The following ATF6 variants were observed in gnomAD, a reference collection of about 807,000 sequenced individuals.
The protein encoded by ATF6 is activating transcription factor 6.
ATF6 carries 53 observed loss-of-function variants against 83.6 expected under a neutral mutation model. That is an observed-to-expected ratio of 0.63 (90% CI 0.51 to 0.80). The LOEUF is 0.80. ATF6 is among the 30% of genes least tolerant of loss of function. The probability of loss-of-function intolerance (pLI) is 0.00; values close to 1 mark genes in which losing one functional copy is unlikely to be tolerated. For synonymous variants in ATF6, 288 were observed against 285.8 expected (o/e 1.01, Z -0.08); for missense variants, 744 against 797.9 (o/e 0.93, Z 0.81).
rs1161212991 is a variant in ATF6, at chr1:161,962,520, G to A, written c.*3866G>A. ...TTAGGTTGTGAAACTTGACAGAAATGTATTACAGGAAAAACTTATAATTGT... is the reference window on the plus strand; with the variant it reads ...TTAGGTTGTGAAACTTGACAGAAATATATTACAGGAAAAACTTATAATTGT... On this transcript the variant is annotated 3_prime_UTR_variant, in exon 16 of 16. Coordinates refer to ENST00000367942, the MANE Select transcript of ATF6 (RefSeq NM_007348.4). 1.3e-5 allele frequency: 2 copies of A among 152,202 alleles called. No individual in the cohort carries two copies. The highest frequency in any genetic ancestry group is 2.9e-5 in the Non-Finnish European group (2 of 68,030). The allele number at this position is 152,202 out of a possible 1,614,324, so 9.4% of individuals were successfully genotyped here.
At chr1:161,860,650 G>T (rs1686863709) in intron 13 of ATF6, among the ~76,000 whole-genome samples, 1 of 151,900 alleles carries the variant, frequency 6.6e-6, no homozygotes. Flanking sequence ...CAGGTGTCCT[G>T]CTGAGTGTTT....
intron 9 of ATF6, among the ~76,000 whole-genome samples, chr1:161,832,151 A>G (rs944568539): frequency 6.6e-6 from 1 of 152,170 alleles, no homozygotes; most frequent in African/African-American, 2.4e-5. Context: ...ATATATTAAA[A>G]GACAGAATTA....
At chr1:161,800,915 A>G (rs1386417057) in intron 6 of ATF6, among the ~76,000 whole-genome samples, 8 of 152,288 alleles carry the variant, frequency 5.3e-5, no homozygotes, top group Middle Eastern at 3.4e-3. Flanking sequence ...TTATGACTGT[A>G]TGCTGCTTTA....
intron 10 of ATF6, among the ~76,000 whole-genome samples, chr1:161,851,213 TTG>T (rs1233987925): frequency 7.9e-6 from 1 of 125,812 alleles, no homozygotes; most frequent in African/African-American, 3.2e-5. Context: ...TATCATAGAA[TTG>T]TGTCTCACCC....
In ATF6 at chr1:161,959,628, C is replaced by T. The variant is rs1005001785; in HGVS notation, c.*974C>T. On this transcript the variant is annotated 3_prime_UTR_variant, in exon 16 of 16. Coordinates refer to ENST00000367942, the MANE Select transcript of ATF6 (RefSeq NM_007348.4). ...GAGCTTGCAGTGAGCCGAGATCCCG[C>T]CACTGCACTCCAGCCTGGGCGACAG... 6.8e-6 allele frequency: 1 copy of T among 147,348 alleles called. No individual in the cohort carries two copies. Among genetic ancestry groups the T allele is most frequent in the African/African-American group, 2.5e-5 (1 of 39,546 alleles). The allele number at this position is 147,348 out of a possible 1,614,324, so 9.1% of individuals were successfully genotyped here. A position where few individuals can be genotyped will look rare whatever the true frequency, so the allele number is the denominator to read the frequency against.
At chr1:161,793,754 A>G (rs577490272) in intron 6 of ATF6, among the ~76,000 whole-genome samples, 1 of 152,354 alleles carries the variant, frequency 6.6e-6, no homozygotes, top group South Asian at 2.1e-4. Context: ...GATCTTACCT[A>G]TAATAAGAAG....
intron 9 of ATF6, among the ~76,000 whole-genome samples, chr1:161,837,338 C>CATTCT (rs1686248584): frequency 2.0e-5 from 3 of 152,130 alleles, no homozygotes; most frequent in Admixed American, 1.3e-4. Context: ...TTTTAAGTGT[C>CATTCT]ATTCTACAAA....
At chr1:161,851,907 A>C in intron 11 of ATF6, 72 bp downstream of exon 11, 1 of 1,079,768 alleles carries the variant, frequency 9.3e-7, no homozygotes, top group South Asian at 1.3e-5. Flanking sequence ...TAGACAAGTA[A>C]TTGGTCAAGT....
chr1:161,819,530 G>C (rs1368890574), intron 7 of ATF6, 103 bp from the exon 8 acceptor site: 7 of 948,326 alleles, frequency 7.4e-6, no homozygotes, highest in African/African-American at 1.7e-5. Context: ...CCTATGCTTT[G>C]AAAAAATTGT....
intron 3 of ATF6, among the ~76,000 whole-genome samples, chr1:161,783,778 C>A (rs555449813): frequency 6.6e-6 from 1 of 150,622 alleles, no homozygotes; most frequent in Non-Finnish European, 1.5e-5. Context: ...ACATATATAC[C>A]CCCTCCCCAC....
intron 15 of ATF6, among the ~76,000 whole-genome samples, chr1:161,936,138 A>G (rs1558032391): frequency 6.6e-6 from 1 of 152,268 alleles, no homozygotes; most frequent in East Asian, 1.9e-4. Flanking sequence ...ATGGAACACA[A>G]CGCTACTGGT....
chr1:161,903,758 C>A (rs1490885331), intron 14 of ATF6, among the ~76,000 whole-genome samples: 1 of 152,146 alleles, frequency 6.6e-6, no homozygotes, highest in Non-Finnish European at 1.5e-5. Flanking sequence ...TATCCTACAG[C>A]TAGAAATTAA....
At chr1:161,835,753 G>A (rs1206100242) in intron 9 of ATF6, among the ~76,000 whole-genome samples, 3 of 152,118 alleles carry the variant, frequency 2.0e-5, no homozygotes, top group African/African-American at 7.2e-5. Context: ...AATCTGTGAA[G>A]GGAACTTCTT....
chr1:161,838,091 G>A (rs1004847476), intron 9 of ATF6, among the ~76,000 whole-genome samples: 31 of 152,178 alleles, frequency 2.0e-4, no homozygotes, highest in African/African-American at 5.5e-4. Flanking sequence ...AACTCTGCCC[G>A]TTTCCCTAAA....
intron 3 of ATF6, among the ~76,000 whole-genome samples, chr1:161,783,457 G>T (rs1684681038): frequency 6.6e-6 from 1 of 151,914 alleles, no homozygotes; most frequent in Non-Finnish European, 1.5e-5. Flanking sequence ...ATTTTTATAG[G>T]ATAAATTAAT....
chr1:161,913,244 GTA>G (rs1370551849), intron 15 of ATF6, among the ~76,000 whole-genome samples: 1 of 152,148 alleles, frequency 6.6e-6, no homozygotes, highest in Non-Finnish European at 1.5e-5. Flanking sequence ...AAAAACCTCA[GTA>G]TATGAAGAAG....
intron 7 of ATF6, among the ~76,000 whole-genome samples, chr1:161,802,550 C>G (rs1685180471): frequency 6.6e-6 from 1 of 152,062 alleles, no homozygotes; most frequent in African/African-American, 2.4e-5. Flanking sequence ...TAGAACCAAC[C>G]CTCTTATTAT....
At chr1:161,880,481 T>A (rs1687298887) in intron 14 of ATF6, among the ~76,000 whole-genome samples, 1 of 89,666 alleles carries the variant, frequency 1.1e-5, no homozygotes, top group South Asian at 3.0e-4. Context: ...AGTCAACTGA[T>A]CTTTCTGTTA....
At chr1:161,829,881 T>G (rs1339333235) in intron 9 of ATF6, among the ~76,000 whole-genome samples, 2 of 152,094 alleles carry the variant, frequency 1.3e-5, no homozygotes, top group African/African-American at 2.4e-5. Flanking sequence ...GCATTCCCTT[T>G]GAAAACTGGC....
Sources: allele counts gnomAD v4.1 joint callset (sites outside exome capture counted in the v4.1 genomes callset), GRCh38; gene constraint gnomAD v4.1.1; transcripts MANE v1.5; gene names NCBI Gene and HGNC (gene_info 2026-07-23, HGNC 2026-07-21).